The following NAV3 variants were observed in gnomAD, a reference collection of about 807,000 sequenced individuals.
NAV3 encodes the protein neuron navigator 3, also known as pore membrane and/or filament interacting like protein 1.
A neutral mutation model predicts 244.7 loss-of-function variants in NAV3; 87 were observed. That is an observed-to-expected ratio of 0.36 (90% CI 0.30 to 0.42). The LOEUF is 0.42. Among genes scored for constraint, NAV3 ranks in the 20% least tolerant of loss-of-function variants. NAV3 has a pLI of 1.00. For missense variants in NAV3, 2,663 were observed against 2,893.3 expected (o/e 0.92, Z 1.83); for synonymous variants, 1,126 against 1,042.2 (o/e 1.08, Z -1.55).
intron 2 of NAV3, among the ~76,000 whole-genome samples, chr12:77,705,674 G>A (rs1297748756): frequency 6.6e-6 from 1 of 151,280 alleles, no homozygotes. Flanking sequence ...TGGATTGTTT[G>A]TTCCCCCGGG....
intron 6 of NAV3, among the ~76,000 whole-genome samples, 192 bp downstream of exon 6, chr12:77,995,063 T>C (rs753704264): frequency 6.6e-6 from 1 of 152,130 alleles, no homozygotes; most frequent in Non-Finnish European, 1.5e-5. Flanking sequence ...AAATGGGTTT[T>C]GGCATCTTTT....
At chr12:77,733,756 A>C (rs765078371) in intron 2 of NAV3, among the ~76,000 whole-genome samples, 3 of 151,836 alleles carry the variant, frequency 2.0e-5, no homozygotes, top group Non-Finnish European at 2.9e-5. Context: ...GAGTAGTTTC[A>C]AGGAGAAAGT....
intron 33 of NAV3, among the ~76,000 whole-genome samples, chr12:78,189,746 T>C (rs1363737652): frequency 6.6e-6 from 1 of 151,740 alleles, no homozygotes. Flanking sequence ...GACAGTGGAG[T>C]GAAGCCTGAA....
chr12:77,600,989 A>G lies in NAV3; in HGVS notation c.72+28723A>G, dbSNP rs535287103. 3.9e-5 allele frequency among the ~76,000 whole-genome samples: 6 copies of G among 152,108 alleles called. No homozygotes were observed. The South Asian group carries it at 6.2e-4, about 16-fold the overall frequency. On this transcript the variant is annotated intron_variant, in intron 2 of 8. Transcript: ENST00000550042. ...TGAAAGAAGATACAAATTATCAGCT[A>G]TCTCTACTGATCACTCAAATCTTCC...
intron 2 of NAV3, among the ~76,000 whole-genome samples, chr12:77,601,961 G>C (rs1241614234): frequency 2.0e-5 from 3 of 151,976 alleles, no homozygotes; most frequent in African/African-American, 7.2e-5. Flanking sequence ...TTTTTTAGCT[G>C]CTGTACCAAA....
chr12:78,113,152 AG>A (rs2138437997), intron 12 of NAV3, among the ~76,000 whole-genome samples: 1 of 152,348 alleles, frequency 6.6e-6, no homozygotes, highest in Admixed American at 6.5e-5. Flanking sequence ...GTGGCTTTGC[AG>A]GGTACAGCCC....
At chr12:77,855,549 G>T (rs1441698115) in intron 1 of NAV3, among the ~76,000 whole-genome samples, 2 of 152,182 alleles carry the variant, frequency 1.3e-5, no homozygotes, top group African/African-American at 4.8e-5. Flanking sequence ...TCAAGGTGGG[G>T]TACAGAAGTG....
chr12:77,724,716 C>G lies in NAV3; in HGVS notation c.72+152450C>G, dbSNP rs570207096. ...ATCCTATCTATGAAATTTCAAGGAGCTGACCATGGGCAAAAAAAGCAGGAA... is the reference window on the plus strand; with the variant it reads ...ATCCTATCTATGAAATTTCAAGGAGGTGACCATGGGCAAAAAAAGCAGGAA... On this transcript the variant is annotated intron_variant, in intron 2 of 8. Transcript: ENST00000550042. Among the ~76,000 whole-genome samples the G allele has an allele frequency of 6.6e-4, 101 of 151,890 alleles. 1 individual carries two copies. The highest frequency in any genetic ancestry group is 7.2e-4 in the Non-Finnish European group (49 of 67,900).
chr12:77,676,830 C>T (rs1401095999), intron 2 of NAV3, among the ~76,000 whole-genome samples: 1 of 151,928 alleles, frequency 6.6e-6, no homozygotes, highest in Non-Finnish European at 1.5e-5. Flanking sequence ...GCCCCCTCCC[C>T]TCCAAAAAAA....
At chr12:77,987,671 A>G (rs778144482) in intron 5 of NAV3, among the ~76,000 whole-genome samples, 26 of 152,166 alleles carry the variant, frequency 1.7e-4, no homozygotes, top group Admixed American at 1.6e-3. Context: ...AATTAACATA[A>G]CATAATTCCT....
chr12:78,116,901 T>C lies in NAV3; in HGVS notation c.2766T>C (p.Thr922=). Residue 922 remains threonine, a synonymous_variant, in exon 13 of 40, where the codon ACT becomes ACC. Transcript: ENST00000397909. ...SNITVPSRKN[T]QLRTDSEKRS... ...TCACCGTCCCCTCTAGGAAGAATAC[T>C]CAGGTGAGAATTACCACCTTTCTTT... 6.2e-7 allele frequency: 1 copy of C among 1,610,446 alleles called. No individual in the cohort carries two copies. Among genetic ancestry groups the C allele is most frequent in the South Asian group, 1.1e-5 (1 of 90,622 alleles).
intron 9 of NAV3, among the ~76,000 whole-genome samples, chr12:78,027,212 G>A (rs1378986778): frequency 2.0e-5 from 3 of 151,888 alleles, no homozygotes; most frequent in Admixed American, 6.6e-5. Context: ...AAGGCAGGAC[G>A]ACTGCCTGAA....
intron 2 of NAV3, among the ~76,000 whole-genome samples, chr12:77,764,195 A>G (rs1443185542): frequency 6.6e-6 from 1 of 152,248 alleles, no homozygotes; most frequent in African/African-American, 2.4e-5. Context: ...ATCTGTGCAC[A>G]GGCAGTGTCT....
chr12:77,865,793 A>G (rs1488380059), intron 1 of NAV3, among the ~76,000 whole-genome samples: 2 of 18,140 alleles, frequency 1.1e-4, no homozygotes, highest in Non-Finnish European at 3.2e-4. Context: ...ATACACGTAT[A>G]TATGCGTGTG....
Position 77,671,264 on chromosome 12 carries a change from A to G in NAV3, c.72+98998A>G, listed in dbSNP as rs189609465. Among the ~76,000 whole-genome samples the G allele has an allele frequency of 2.8e-4, 43 of 152,244 alleles. No individual in the cohort carries two copies. The East Asian group carries it at 6.6e-3, about 23-fold the overall frequency. ...GGACTATACCTAACAAAGGAGGTGA[A>G]AGACCTCTACAAGGAAAACCCTGCT... On this transcript the variant is annotated intron_variant, in intron 2 of 8. Coordinates refer to the NAV3 transcript ENST00000550042.
intron 23 of NAV3, among the ~76,000 whole-genome samples, chr12:78,160,408 T>TGTGTGCGTGCGC (rs1180475790): frequency 6.8e-6 from 1 of 147,382 alleles, no homozygotes; most frequent in Non-Finnish European, 1.5e-5. Context: ...TGCGTGCGTG[T>TGTGTGCGTGCGC]GTGTGTGTGT....
intron 2 of NAV3, among the ~76,000 whole-genome samples, chr12:77,621,477 C>CTTTTTTT (rs1217567447): frequency 2.2e-5 from 3 of 135,084 alleles, no homozygotes; most frequent in African/African-American, 2.8e-5. Flanking sequence ...TTTCTCTTCT[C>CTTTTTTT]TTTTTTTTTT....
chr12:77,873,588 T>C lies in NAV3; in HGVS notation c.243+41884T>C, dbSNP rs550023164. Reference sequence around the variant, plus strand: ...TTTATAATGTCTTAGCAAAGGACTTTACTATTTCTTTTCCTAGATGATTTG... The same window carrying C: ...TTTATAATGTCTTAGCAAAGGACTTCACTATTTCTTTTCCTAGATGATTTG... On this transcript the variant is annotated intron_variant, in intron 1 of 39. Coordinates refer to ENST00000397909, the MANE Select transcript of NAV3 (RefSeq NM_001024383.2). 6.0e-5 allele frequency among the ~76,000 whole-genome samples: 9 copies of C among 150,072 alleles called. No homozygotes were observed. The Admixed American group carries it at 6.0e-4, about 10-fold the overall frequency.
At position 77,759,953 on chromosome 12, in the gene NAV3, G is replaced by A. The variant is rs545698829; in HGVS notation, c.73-180366G>A. ...GCTTGCAGCAGATACCCAAAGAGTGGAATTAAAGTAGCCTCTTTGTATATT... is the reference window on the plus strand; with the variant it reads ...GCTTGCAGCAGATACCCAAAGAGTGAAATTAAAGTAGCCTCTTTGTATATT... On this transcript the variant is annotated intron_variant, in intron 2 of 8. Coordinates refer to the NAV3 transcript ENST00000550042. 1.3e-4 allele frequency among the ~76,000 whole-genome samples: 20 copies of A among 152,260 alleles called. No individual in the cohort carries two copies. The South Asian group carries it at 3.9e-3, about 30-fold the overall frequency.
Sources: allele counts gnomAD v4.1 joint callset (sites outside exome capture counted in the v4.1 genomes callset), GRCh38; gene constraint gnomAD v4.1.1; transcripts MANE v1.5; gene names NCBI Gene and HGNC (gene_info 2026-07-23, HGNC 2026-07-21).